The following FBXL7 variants were observed in gnomAD, a reference collection of about 807,000 sequenced individuals.
The protein encoded by FBXL7 is F-box/LRR-repeat protein 7.
In FBXL7, 12 loss-of-function variants were observed where a neutral mutation model predicts 38.3. The ratio of observed to expected loss-of-function variants is 0.31; its 90% CI spans 0.20 to 0.51. The LOEUF is 0.51. Among genes scored for constraint, FBXL7 ranks in the 20% least tolerant of loss-of-function variants. The probability of loss-of-function intolerance (pLI) is 0.98; values close to 1 mark genes in which losing one functional copy is unlikely to be tolerated. For missense variants in FBXL7, 567 were observed against 676.4 expected, an observed-to-expected ratio of 0.84 and a Z score of 1.79; for synonymous variants, 297 against 300.9, an observed-to-expected ratio of 0.99 and a Z score of 0.13.
In FBXL7 at chr5:15,701,643, C is replaced by T. The variant is rs561512040; in HGVS notation, c.127+85571C>T. On this transcript the variant is annotated intron_variant, in intron 2 of 3. Coordinates refer to ENST00000504595, the MANE Select transcript of FBXL7 (RefSeq NM_012304.5). ...ATAAAAAAAATTTCCAACATGGGAA[C>T]ATGATAAATCTTGGAATGGAATGTA... 1.4e-3 allele frequency among the ~76,000 whole-genome samples: 215 copies of T among 152,090 alleles called. 1 individual carries two copies. The highest frequency in any genetic ancestry group is 4.7e-3 in the African/African-American group (193 of 41,478).
At chr5:15,620,820 TAG>T (rs1740614350) in intron 2 of FBXL7, among the ~76,000 whole-genome samples, 1 of 152,224 alleles carries the variant, frequency 6.6e-6, no homozygotes, top group Non-Finnish European at 1.5e-5. Flanking sequence ...TGTGAGATTG[TAG>T]AGTCATGGGT....
chr5:15,842,893 A>G (rs889325193), intron 2 of FBXL7, among the ~76,000 whole-genome samples: 4 of 152,156 alleles, frequency 2.6e-5, no homozygotes, highest in Admixed American at 1.3e-4. Flanking sequence ...AGTCTTGATT[A>G]TGTCTTTTTT....
chr5:15,835,585 T>G (rs1738573078), intron 2 of FBXL7, among the ~76,000 whole-genome samples: 1 of 152,114 alleles, frequency 6.6e-6, no homozygotes, highest in East Asian at 1.9e-4. Flanking sequence ...GAGTGGATAT[T>G]ACTTTAAAAT....
At chr5:15,581,700 T>A (rs942952614) in intron 1 of FBXL7, among the ~76,000 whole-genome samples, 1 of 152,154 alleles carries the variant, frequency 6.6e-6, no homozygotes, top group African/African-American at 2.4e-5. Context: ...TTAGACTCTC[T>A]TGTCTTTTGG....
intron 2 of FBXL7, among the ~76,000 whole-genome samples, chr5:15,632,232 A>G (rs1741025163): frequency 6.6e-6 from 1 of 152,204 alleles, no homozygotes; most frequent in Admixed American, 6.5e-5. Flanking sequence ...CCTTACAACT[A>G]GGAAATGCTA....
chr5:15,878,959 G>C (rs1740326073), intron 2 of FBXL7, among the ~76,000 whole-genome samples: 1 of 152,086 alleles, frequency 6.6e-6, no homozygotes, highest in Non-Finnish European at 1.5e-5. Context: ...CAGAAAGCTG[G>C]GGAGCTTTTT....
intron 2 of FBXL7, among the ~76,000 whole-genome samples, chr5:15,877,040 A>G (rs1740239880): frequency 6.6e-6 from 1 of 152,206 alleles, no homozygotes; most frequent in African/African-American, 2.4e-5. Context: ...ATCAGCGTTT[A>G]TTCCAAATTC....
chr5:15,568,744 T>C (rs1325316438), intron 1 of FBXL7, among the ~76,000 whole-genome samples: 1 of 152,212 alleles, frequency 6.6e-6, no homozygotes, highest in Non-Finnish European at 1.5e-5. Flanking sequence ...AAGTCTTTAA[T>C]CCATCTTGAA....
At chr5:15,763,519 C>A (rs551634787) in intron 2 of FBXL7, among the ~76,000 whole-genome samples, 1 of 152,076 alleles carries the variant, frequency 6.6e-6, no homozygotes, top group Non-Finnish European at 1.5e-5. Flanking sequence ...GAGACTACAT[C>A]GAATATAATT....
At chr5:15,859,865 A>G (rs982092791) in intron 2 of FBXL7, among the ~76,000 whole-genome samples, 2 of 152,200 alleles carry the variant, frequency 1.3e-5, no homozygotes, top group African/African-American at 4.8e-5. Context: ...GAACCTGAGG[A>G]TATAAAAATT....
intron 2 of FBXL7, among the ~76,000 whole-genome samples, chr5:15,723,571 T>C (rs775109318): frequency 5.9e-5 from 9 of 152,220 alleles, no homozygotes; most frequent in Non-Finnish European, 1.2e-4. Flanking sequence ...AGATAGGCAG[T>C]AATACGCATG....
At chr5:15,791,865 A>G (rs1737286095) in intron 2 of FBXL7, among the ~76,000 whole-genome samples, 1 of 152,166 alleles carries the variant, frequency 6.6e-6, no homozygotes, top group African/African-American at 2.4e-5. Context: ...ATATTAATGT[A>G]GCCCTTAGAG....
chr5:15,587,126 C>T (rs72745657), intron 1 of FBXL7, among the ~76,000 whole-genome samples: 3,396 of 152,312 alleles, frequency 0.022, 53 homozygotes, highest in Middle Eastern at 0.061. Flanking sequence ...CTGGAAAATC[C>T]GCCTGTGACT....
At chr5:15,720,925 AGT>A (rs1744178464) in intron 2 of FBXL7, among the ~76,000 whole-genome samples, 1 of 152,116 alleles carries the variant, frequency 6.6e-6, no homozygotes, top group East Asian at 1.9e-4. Context: ...TATGTTTGAA[AGT>A]GATAATTTTT....
chr5:15,933,300 A>G (rs1182708230), intron 3 of FBXL7, among the ~76,000 whole-genome samples: 2 of 152,252 alleles, frequency 1.3e-5, no homozygotes, highest in Admixed American at 6.5e-5. Context: ...CAGTTTCAAA[A>G]GCAAAGTATA....
At chr5:15,740,196 A>C (rs899410113) in intron 2 of FBXL7, among the ~76,000 whole-genome samples, 2 of 152,196 alleles carry the variant, frequency 1.3e-5, no homozygotes, top group African/African-American at 4.8e-5. Context: ...ACTGACAGCA[A>C]AGCTCTCTCC....
intron 1 of FBXL7, among the ~76,000 whole-genome samples, chr5:15,599,831 T>A (rs947733174): frequency 6.6e-6 from 1 of 152,146 alleles, no homozygotes; most frequent in African/African-American, 2.4e-5. Context: ...GGTTCATAAA[T>A]TTGGAAAGGA....
intron 2 of FBXL7, among the ~76,000 whole-genome samples, chr5:15,806,353 C>T (rs114030135): frequency 0.013 from 1,934 of 152,020 alleles, 33 homozygotes; most frequent in African/African-American, 0.044. Context: ...AATTACCTTC[C>T]CATGTATCTG....
intron 2 of FBXL7, among the ~76,000 whole-genome samples, chr5:15,793,589 A>G (rs1040066094): frequency 6.6e-6 from 1 of 152,206 alleles, no homozygotes; most frequent in Admixed American, 6.5e-5. Flanking sequence ...ACATGAACAT[A>G]TCTTTATGGA....
Sources: allele counts gnomAD v4.1 joint callset (sites outside exome capture counted in the v4.1 genomes callset), GRCh38; gene constraint gnomAD v4.1.1; transcripts MANE v1.5; gene names NCBI Gene and HGNC (gene_info 2026-07-23, HGNC 2026-07-21).